TENM4: variants seen among roughly 807,000 people sequenced by gnomAD.
TENM4 encodes the protein teneurin-4.
Under a neutral mutation model 243.3 loss-of-function variants are expected in TENM4, and 82 were observed. The ratio of observed to expected loss-of-function variants is 0.34; its 90% CI spans 0.28 to 0.40. TENM4 has a LOEUF of 0.40. Among genes scored for constraint, TENM4 ranks in the 10% least tolerant of loss-of-function variants. The probability of loss-of-function intolerance (pLI) is 1.00; values close to 1 mark genes in which losing one functional copy is unlikely to be tolerated. For missense variants in TENM4, 3,138 were observed against 3,673.3 expected, an observed-to-expected ratio of 0.85 and a Z score of 3.77; for synonymous variants, 1,412 against 1,456.3, an observed-to-expected ratio of 0.97 and a Z score of 0.69.
intron 4 of TENM4, among the ~76,000 whole-genome samples, chr11:79,104,104 C>T (rs950235): frequency 7.2e-5 from 11 of 152,250 alleles, no homozygotes; most frequent in African/African-American, 1.9e-4. Flanking sequence ...CCCTTCCTAG[C>T]TGAAATTGGT....
chr11:78,660,153 C>T (rs1857994024), intron 33 of TENM4, among the ~76,000 whole-genome samples: 1 of 152,072 alleles, frequency 6.6e-6, no homozygotes, highest in African/African-American at 2.4e-5. Flanking sequence ...GAGCAAATGC[C>T]AGGATATCTG....
chr11:78,960,418 C>G (rs1259720380), intron 6 of TENM4, among the ~76,000 whole-genome samples: 1 of 152,158 alleles, frequency 6.6e-6, no homozygotes, highest in Admixed American at 6.5e-5. Flanking sequence ...GTAATGACCG[C>G]CCTTCATTGT....
At chr11:78,978,006 A>G (rs910264514) in intron 6 of TENM4, among the ~76,000 whole-genome samples, 6 of 152,184 alleles carry the variant, frequency 3.9e-5, no homozygotes, top group African/African-American at 1.4e-4. Context: ...CATATACACC[A>G]TGGAATACTA....
intron 1 of TENM4, among the ~76,000 whole-genome samples, chr11:79,355,993 A>G (rs1857490905): frequency 6.6e-6 from 1 of 152,172 alleles, no homozygotes; most frequent in Non-Finnish European, 1.5e-5. Flanking sequence ...AACTTCTTTC[A>G]TATTACTTAG....
chr11:78,661,270 C>T (rs1169044209), intron 33 of TENM4, among the ~76,000 whole-genome samples, 179 bp downstream of exon 33: 2 of 152,198 alleles, frequency 1.3e-5, no homozygotes, highest in African/African-American at 2.4e-5. Context: ...GTCATGGCTG[C>T]GTCCCTAGCA....
intron 4 of TENM4, among the ~76,000 whole-genome samples, chr11:79,077,284 C>T (rs568188249): frequency 6.6e-6 from 1 of 152,280 alleles, no homozygotes; most frequent in East Asian, 1.9e-4. Flanking sequence ...AAGGACACCA[C>T]AGGGGCCTGC....
intron 4 of TENM4, among the ~76,000 whole-genome samples, chr11:79,101,719 T>A (rs1314426690): frequency 2.0e-5 from 3 of 152,178 alleles, no homozygotes; most frequent in Non-Finnish European, 4.4e-5. Flanking sequence ...GCTGTAACTG[T>A]GGGACGACTA....
At chr11:79,008,276 C>T (rs1417083758) in intron 6 of TENM4, among the ~76,000 whole-genome samples, 3 of 152,196 alleles carry the variant, frequency 2.0e-5, no homozygotes, top group African/African-American at 7.2e-5. Flanking sequence ...TCTGCCACCC[C>T]GGGTTTAACG....
intron 2 of TENM4, among the ~76,000 whole-genome samples, chr11:79,267,325 C>A (rs928886438): frequency 1.3e-5 from 2 of 152,276 alleles, no homozygotes; most frequent in Admixed American, 6.5e-5. Flanking sequence ...ACCTGCCCTG[C>A]CCCACTGTTC....
chr11:79,439,747 T>A (rs957037477), intron 1 of TENM4, among the ~76,000 whole-genome samples: 1 of 151,830 alleles, frequency 6.6e-6, no homozygotes, highest in Non-Finnish European at 1.5e-5. Context: ...CATTTAAAAA[T>A]GGCAATTAAA....
intron 6 of TENM4, among the ~76,000 whole-genome samples, chr11:78,907,819 G>T (rs1308162513): frequency 6.6e-6 from 1 of 152,190 alleles, no homozygotes; most frequent in Non-Finnish European, 1.5e-5. Flanking sequence ...TGGTACACTT[G>T]CAAAGCTGTG....
chr11:79,429,357 C>T (rs1039424722), intron 1 of TENM4, among the ~76,000 whole-genome samples: 10 of 152,154 alleles, frequency 6.6e-5, no homozygotes, highest in Non-Finnish European at 1.3e-4. Flanking sequence ...TAAACACCTG[C>T]ACTCGCCACC....
At chr11:79,072,716 A>G (rs1860446851) in intron 4 of TENM4, among the ~76,000 whole-genome samples, 1 of 152,230 alleles carries the variant, frequency 6.6e-6, no homozygotes, top group Admixed American at 6.5e-5. Flanking sequence ...AACGCAAAGC[A>G]CTATTCTGGT....
chr11:78,905,403 G>A (rs1246112237), intron 6 of TENM4, among the ~76,000 whole-genome samples: 1 of 152,184 alleles, frequency 6.6e-6, no homozygotes, highest in Non-Finnish European at 1.5e-5. Context: ...TTCGGGAAAG[G>A]GGAGTTAGGG....
chr11:79,077,617 A>G lies in TENM4; in HGVS notation c.-65-7608T>C, dbSNP rs139015823. On this transcript the variant is annotated intron_variant, in intron 4 of 33. Transcript: ENST00000278550. ...AGAATTATGAATGAGATGCCAATCT[A>G]CAGTCTGAAAAACACTGTCCTAGAT... Among the ~76,000 whole-genome samples the G allele has an allele frequency of 9.2e-3, 1,397 of 152,320 alleles. 20 individuals are homozygous for G. Among genetic ancestry groups the G allele is most frequent in the African/African-American group, 0.032 (1,346 of 41,574 alleles).
At chr11:79,071,820 C>G (rs1860421739) in intron 4 of TENM4, among the ~76,000 whole-genome samples, 1 of 152,174 alleles carries the variant, frequency 6.6e-6, no homozygotes, top group Admixed American at 6.5e-5. Context: ...CATATAGTCT[C>G]CTGCCTAAGG....
intron 28 of TENM4, among the ~76,000 whole-genome samples, chr11:78,688,850 C>T (rs1858747895): frequency 6.6e-6 from 1 of 152,188 alleles, no homozygotes; most frequent in South Asian, 2.1e-4. Context: ...TTTGTAACTG[C>T]AACTCTTAGA....
At chr11:78,666,980 C>T (rs1858173545) in intron 32 of TENM4, among the ~76,000 whole-genome samples, 1 of 152,008 alleles carries the variant, frequency 6.6e-6, no homozygotes, top group African/African-American at 2.4e-5. Context: ...TTTCCTATTG[C>T]ACCATGTTTT....
At chr11:79,080,212 C>T (rs1249661839) in intron 4 of TENM4, among the ~76,000 whole-genome samples, 3 of 152,232 alleles carry the variant, frequency 2.0e-5, no homozygotes, top group Non-Finnish European at 2.9e-5. Context: ...TGTCCAACCT[C>T]GTTCCCTCTT....
Sources: allele counts gnomAD v4.1 joint callset (sites outside exome capture counted in the v4.1 genomes callset), GRCh38; gene constraint gnomAD v4.1.1; transcripts MANE v1.5; gene names NCBI Gene and HGNC (gene_info 2026-07-23, HGNC 2026-07-21).